The following MINDY2 variants were observed in gnomAD, a reference collection of about 807,000 sequenced individuals.
The protein encoded by MINDY2 is MINDY lysine 48 deubiquitinase 2.
A neutral mutation model predicts 68.2 loss-of-function variants in MINDY2; 52 were observed. The ratio of observed to expected loss-of-function variants is 0.76; its 90% CI spans 0.61 to 0.96. The LOEUF (loss-of-function observed/expected upper bound fraction) is 0.96. MINDY2 is among the 40% of genes least tolerant of loss of function. The pLI, the probability that MINDY2 is intolerant of heterozygous loss-of-function variation, is 0.00. For synonymous variants in MINDY2, 372 were observed against 303.0 expected (o/e 1.23, Z -2.36); for missense variants, 881 against 773.4 (o/e 1.14, Z -1.65).
intron 5 of MINDY2, among the ~76,000 whole-genome samples, chr15:58,827,951 G>A (rs2031501809): frequency 6.6e-6 from 1 of 151,840 alleles, no homozygotes; most frequent in African/African-American, 2.4e-5. Context: ...CATATGAGTG[G>A]GCTGGGCGCA....
At chr15:58,794,241 A>G (rs1174105726) in intron 2 of MINDY2, among the ~76,000 whole-genome samples, 2 of 152,046 alleles carry the variant, frequency 1.3e-5, no homozygotes, top group Admixed American at 1.3e-4. Context: ...ATGTAATGAG[A>G]TTAATGGATT....
intron 6 of MINDY2, among the ~76,000 whole-genome samples, chr15:58,838,306 G>A (rs2032103124): frequency 6.6e-6 from 1 of 151,896 alleles, no homozygotes; most frequent in African/African-American, 2.4e-5. Flanking sequence ...GCTGAGACAG[G>A]AGAATCGCTT....
At chr15:58,837,159 A>G (rs534886371) in intron 6 of MINDY2, among the ~76,000 whole-genome samples, 1 of 152,316 alleles carries the variant, frequency 6.6e-6, no homozygotes, top group African/African-American at 2.4e-5. Context: ...CCTTTGTTCT[A>G]TTAAGGCTGT....
intron 1 of MINDY2, among the ~76,000 whole-genome samples, chr15:58,778,810 C>CTTTTT (rs1182523003): frequency 7.9e-5 from 9 of 114,374 alleles, no homozygotes; most frequent in East Asian, 2.8e-4. Context: ...TTCTTTTTTT[C>CTTTTT]TTTTTTTTTT....
chr15:58,854,107 G>A (rs192845847), intron 8 of MINDY2, among the ~76,000 whole-genome samples: 127 of 152,136 alleles, frequency 8.3e-4, no homozygotes, highest in African/African-American at 2.8e-3. Context: ...AGCCAGGCGT[G>A]GTGGCAGGTG....
chr15:58,848,750 CA>C (rs575954635), intron 7 of MINDY2, among the ~76,000 whole-genome samples: 1 of 151,362 alleles, frequency 6.6e-6, no homozygotes, highest in Non-Finnish European at 1.5e-5. Flanking sequence ...CATCTCAAAA[CA>C]AAAAAAAGAA....
At position 58,854,614 on chromosome 15, in the gene MINDY2, G is replaced by C; in HGVS notation, c.*4G>C. 6.2e-7 allele frequency: 1 copy of C among 1,604,148 alleles called. No individual in the cohort carries two copies. The highest frequency in any genetic ancestry group is 2.2e-5 in the East Asian group (1 of 44,832). Reference sequence around the variant, plus strand: ...AAATAGCTGTGTTATTTTGTAACAAGTGTTGGCTTCTGTTGGAACCACCTA... The same window carrying C: ...AAATAGCTGTGTTATTTTGTAACAACTGTTGGCTTCTGTTGGAACCACCTA... On this transcript the variant is annotated 3_prime_UTR_variant, in exon 9 of 9. Coordinates refer to ENST00000559228, the MANE Select transcript of MINDY2 (RefSeq NM_001040450.3).
intron 2 of MINDY2, among the ~76,000 whole-genome samples, chr15:58,791,146 C>T (rs1367522301): frequency 7.0e-6 from 1 of 142,410 alleles, no homozygotes; most frequent in Non-Finnish European, 1.5e-5. Flanking sequence ...CGCCACTGCA[C>T]TCCAGCCTGG....
intron 6 of MINDY2, among the ~76,000 whole-genome samples, chr15:58,839,322 T>TTTG (rs1555434704): frequency 0.014 from 2,067 of 148,744 alleles, 51 homozygotes; most frequent in East Asian, 0.13. Flanking sequence ...TAGACTGTTT[T>TTTG]TTTGTTTGTT....
At chr15:58,778,390 A>T (rs1472183664) in intron 1 of MINDY2, among the ~76,000 whole-genome samples, 1 of 152,072 alleles carries the variant, frequency 6.6e-6, no homozygotes, top group Non-Finnish European at 1.5e-5. Context: ...TCCTGTTCCA[A>T]GTCATGGGAG....
chr15:58,773,731 A>G (rs1900589645), intron 1 of MINDY2, among the ~76,000 whole-genome samples: 1 of 151,988 alleles, frequency 6.6e-6, no homozygotes, highest in African/African-American at 2.4e-5. Flanking sequence ...GACAAATTAG[A>G]GCAATTTAAC....
At chr15:58,803,300 A>AAAAACCC (rs1325852410) in intron 3 of MINDY2, among the ~76,000 whole-genome samples, 26 of 145,452 alleles carry the variant, frequency 1.8e-4, no homozygotes, top group African/African-American at 6.3e-4. Context: ...CCCCATTTCT[A>AAAAACCC]CTAAAAATAC....
At chr15:58,790,501 T>G (rs542270012) in intron 2 of MINDY2, among the ~76,000 whole-genome samples, 1 of 152,212 alleles carries the variant, frequency 6.6e-6, no homozygotes, top group Admixed American at 6.5e-5. Flanking sequence ...TGGGAAGCTG[T>G]TGGAGGATTT....
Position 58,854,638 on chromosome 15 carries a change from T to A in MINDY2, c.*28T>A. 1 of 1,587,808 alleles carries A rather than the reference T, an allele frequency of 6.3e-7. No homozygotes were observed. Among genetic ancestry groups the A allele is most frequent in the South Asian group, 1.1e-5 (1 of 88,446 alleles). ...AGTGTTGGCTTCTGTTGGAACCACC[T>A]ATATGTCTTGAGAAACAAAACCACA... On this transcript the variant is annotated 3_prime_UTR_variant, in exon 9 of 9. Transcript: ENST00000559228.
In MINDY2 at chr15:58,772,293, G is replaced by A; in HGVS notation, c.840+58G>A. ...TTTGGGGTGGAGGAAAACGGGGTGA[G>A]GGAGCTGCTGCATGTCAGGTGATGG... On this transcript the variant is annotated intron_variant, in intron 1 of 8. Coordinates refer to ENST00000559228, the MANE Select transcript of MINDY2 (RefSeq NM_001040450.3). The A allele has an allele frequency of 1.9e-6, 3 of 1,594,348 alleles. No homozygotes were observed. The East Asian group carries it at 6.7e-5, about 36-fold the overall frequency.
At chr15:58,783,710 G>A (rs1408719580) in intron 1 of MINDY2, among the ~76,000 whole-genome samples, 2 of 152,256 alleles carry the variant, frequency 1.3e-5, no homozygotes, top group Admixed American at 6.5e-5. Flanking sequence ...GAGGCAGGCA[G>A]ATTTAAGCAG....
At chr15:58,831,727 G>C (rs961566978) in intron 5 of MINDY2, 47 bp from the exon 6 acceptor site, 1 of 1,537,072 alleles carries the variant, frequency 6.5e-7, no homozygotes, top group Non-Finnish European at 8.8e-7. Context: ...ATAACTTTTT[G>C]ATTTTGAAAT....
chr15:58,792,307 G>A (rs1204539634), intron 2 of MINDY2, among the ~76,000 whole-genome samples: 6 of 152,216 alleles, frequency 3.9e-5, no homozygotes, highest in Non-Finnish European at 8.8e-5. Context: ...TGTCCATACA[G>A]CTTGTATAAA....
rs1208948832 is a variant in MINDY2, at chr15:58,855,246, A to G, written c.*636A>G. 2 of 152,626 alleles carry G rather than the reference A, an allele frequency of 1.3e-5. No homozygotes were observed. The highest frequency in any genetic ancestry group is 2.9e-5 in the Non-Finnish European group (2 of 68,034). The allele number at this position is 152,626 out of a possible 1,614,324, so 9.5% of individuals were successfully genotyped here. Reference sequence around the variant, plus strand: ...TTAGATAGCAAAAATAAAGATTTGTATTTCTTTTCCAATAGCAAAAAGTTA... The same window carrying G: ...TTAGATAGCAAAAATAAAGATTTGTGTTTCTTTTCCAATAGCAAAAAGTTA... On this transcript the variant is annotated 3_prime_UTR_variant, in exon 9 of 9. Coordinates refer to ENST00000559228, the MANE Select transcript of MINDY2 (RefSeq NM_001040450.3).
Sources: gnomAD v4.1 joint callset for allele counts (sites outside exome capture counted in the v4.1 genomes callset) on GRCh38, gnomAD v4.1.1 for gene constraint, MANE v1.5 for transcripts, NCBI Gene and HGNC (gene_info 2026-07-23, HGNC 2026-07-21) for gene names.